FREM1: variants seen among roughly 807,000 people sequenced by gnomAD.
FREM1 encodes FRAS1-related extracellular matrix protein 1.
A neutral mutation model predicts 210.1 loss-of-function variants in FREM1; 220 were observed. The ratio of observed to expected loss-of-function variants is 1.05; its 90% CI spans 0.94 to 1.17. FREM1 has a LOEUF of 1.17. Among genes scored for constraint, FREM1 ranks in the 50% most tolerant of loss-of-function variants. The pLI, the probability that FREM1 is intolerant of heterozygous loss-of-function variation, is 0.00. For synonymous variants in FREM1, 1,189 were observed against 980.2 expected (o/e 1.21, Z -3.98); for missense variants, 3,454 against 2,675.5 (o/e 1.29, Z -6.42).
chr9:14,808,662 A>C (rs1173240536), intron 16 of FREM1, among the ~76,000 whole-genome samples: 2 of 152,202 alleles, frequency 1.3e-5, no homozygotes, highest in Non-Finnish European at 2.9e-5. Context: ...TATTCTTCTT[A>C]TTATATATTA....
chr9:14,884,228 CAAAAAAG>C (rs937630806), intron 1 of FREM1, among the ~76,000 whole-genome samples: 1 of 151,100 alleles, frequency 6.6e-6, no homozygotes, highest in Non-Finnish European at 1.5e-5. Context: ...GACTCCATCT[CAAAAAAG>C]AAAAAAGAAA....
chr9:14,826,234 G>T (rs139688765), intron 10 of FREM1, among the ~76,000 whole-genome samples: 1,565 of 151,792 alleles, frequency 0.01, 29 homozygotes, highest in African/African-American at 0.033. Flanking sequence ...TGGGGCTACG[G>T]GCTTCCACCA....
intron 26 of FREM1, 57 bp from the exon 27 acceptor site, chr9:14,769,925 C>G: frequency 1.1e-6 from 1 of 883,146 alleles, no homozygotes; most frequent in African/African-American, 1.7e-5. Flanking sequence ...TAAATAAAAG[C>G]TAATAAAATT....
chr9:14,851,561 T>A lies in FREM1; in HGVS notation c.875A>T (p.Asn292Ile). 1 of 1,613,964 alleles carries A rather than the reference T, an allele frequency of 6.2e-7. No homozygotes were observed. Among genetic ancestry groups the A allele is most frequent in the Non-Finnish European group, 8.5e-7 (1 of 1,179,848 alleles). ...CATGAATGCAGCCTTTGGAATCTGA[T>A]TCGGAATTCCAGCTCTGATATAGAC... is the stretch of plus-strand genomic sequence containing the variant. The part of the protein sequence containing the change: ...LPVYIRAGIP[N>I]QIPKAAFMAV... The change falls in exon 6 of 37, where the codon AAT (asparagine) becomes ATT (isoleucine). Residue 292 changes from asparagine (N) to isoleucine (I), a missense_variant. Transcript: ENST00000380880.
In FREM1 at chr9:14,746,973, G is replaced by T. The variant is rs373394661; in HGVS notation, c.6088C>A (p.Leu2030Met). ...CAGGCGATCCCATTGCACTGATACA[G>T]CTTCTGGATGCCTTCTTCAAAATGG... ...LFHFEEGIQK[L>M]YQCNGIAWKA... Residue 2030 changes from leucine (L) to methionine (M), a missense_variant, in exon 34 of 37, where the codon CTG (leucine) becomes ATG (methionine). Coordinates refer to ENST00000380880, the MANE Select transcript of FREM1 (RefSeq NM_001379081.2). 68 of 1,613,408 alleles carry T rather than the reference G, an allele frequency of 4.2e-5. No individual in the cohort carries two copies. In the African/African-American group the frequency reaches 8.9e-4, roughly 21 times the overall value.
At chr9:14,837,813 T>C (rs1588277715) in intron 10 of FREM1, among the ~76,000 whole-genome samples, 2 of 152,218 alleles carry the variant, frequency 1.3e-5, no homozygotes, top group African/African-American at 4.8e-5. Context: ...TTTTTAATTA[T>C]TGAAATGCTT....
chr9:14,800,819 T>G (rs533909207), intron 20 of FREM1, among the ~76,000 whole-genome samples: 4 of 152,306 alleles, frequency 2.6e-5, no homozygotes, highest in African/African-American at 9.6e-5. Flanking sequence ...ATGAATAAAG[T>G]AGGTGAATGC....
intron 22 of FREM1, among the ~76,000 whole-genome samples, chr9:14,792,272 G>GCACGCACACACA (rs1554665386): frequency 2.8e-5 from 4 of 142,244 alleles, no homozygotes; most frequent in African/African-American, 1.1e-4. Flanking sequence ...ACACACACAC[G>GCACGCACACACA]CACACACACA....
At chr9:14,755,117 A>G (rs1844076500) in intron 29 of FREM1, among the ~76,000 whole-genome samples, 1 of 152,178 alleles carries the variant, frequency 6.6e-6, no homozygotes, top group Non-Finnish European at 1.5e-5. Flanking sequence ...CTTCATGCTG[A>G]CAGCTTGATC....
At chr9:14,763,379 G>A (rs765260286) in intron 27 of FREM1, among the ~76,000 whole-genome samples, 10 of 152,128 alleles carry the variant, frequency 6.6e-5, no homozygotes, top group Admixed American at 1.3e-4. Flanking sequence ...TTCCATATGC[G>A]GTTTTAATGT....
chr9:14,819,554 T>G (rs919621990), intron 13 of FREM1, 112 bp from the exon 14 acceptor site: 5 of 617,982 alleles, frequency 8.1e-6, no homozygotes, highest in Middle Eastern at 2.8e-4. Context: ...GCAAACTAAT[T>G]TTTCAAGAAT....
intron 1 of FREM1, among the ~76,000 whole-genome samples, chr9:14,880,594 A>G (rs559269330): frequency 7.4e-6 from 1 of 135,654 alleles, no homozygotes; most frequent in Non-Finnish European, 1.6e-5. Context: ...ACAGAGTGAG[A>G]CTGTCTCAAA....
chr9:14,859,969 T>C (rs1352751042), intron 3 of FREM1, among the ~76,000 whole-genome samples: 1 of 152,156 alleles, frequency 6.6e-6, no homozygotes, highest in African/African-American at 2.4e-5. Context: ...GTAAAAAGCA[T>C]ATTCAGCAAT....
intron 29 of FREM1, chr9:14,751,786 G>C (rs1843441596): frequency 6.6e-6 from 1 of 151,984 alleles, no homozygotes; most frequent in African/African-American, 2.4e-5. Context: ...GATCTAATCA[G>C]TCTCTTCAAT....
In FREM1 at chr9:14,784,605, C is replaced by T. The variant is rs373334634; in HGVS notation, c.4207G>A (p.Val1403Met). 2.1e-5 allele frequency: 33 copies of T among 1,595,332 alleles called. No homozygotes were observed. Among genetic ancestry groups the T allele is most frequent in the Middle Eastern group, 1.7e-4 (1 of 6,024 alleles). Residue 1403 changes from valine (V) to methionine (M), a missense_variant, in exon 24 of 37, where the codon GTG (valine) becomes ATG (methionine). Physicochemically the swap from Val to Met is conservative, Grantham distance 21. Transcript: ENST00000380880. Reference sequence around the variant, plus strand: ...AAACCTCTATCACCTTTAGACACCACGAGTGGTTTTGTAAGGATGACAATA... The same window carrying T: ...AAACCTCTATCACCTTTAGACACCATGAGTGGTTTTGTAAGGATGACAATA... ...GDIVILTKPL[V>M]VSKGDRGFLT...
chr9:14,764,844 T>C (rs1846101725), intron 27 of FREM1, among the ~76,000 whole-genome samples: 1 of 152,214 alleles, frequency 6.6e-6, no homozygotes, highest in Non-Finnish European at 1.5e-5. Flanking sequence ...AAGAAATACC[T>C]GGAGTTAAAT....
At chr9:14,866,427 C>A (rs917082429) in intron 2 of FREM1, among the ~76,000 whole-genome samples, 1 of 152,130 alleles carries the variant, frequency 6.6e-6, no homozygotes, top group Non-Finnish European at 1.5e-5. Context: ...CTGCCATATA[C>A]GGTAAGGAGT....
Position 14,766,129 on chromosome 9 carries a change from G to A in FREM1, c.5204+3595C>T, listed in dbSNP as rs146642749. On this transcript the variant is annotated intron_variant, in intron 27 of 36. Coordinates refer to ENST00000380880, the MANE Select transcript of FREM1 (RefSeq NM_001379081.2). ...AGGGTTCACTCTCCAGTGACTTCAG[G>A]ATAATTACTTAAAAGCCTTGAGCTT... Among the ~76,000 whole-genome samples, 1,362 of 152,190 alleles carry A rather than the reference G, an allele frequency of 8.9e-3. 9 individuals are homozygous for A. Among genetic ancestry groups the A allele is most frequent in the Non-Finnish European group, 0.013 (896 of 68,000 alleles).
chr9:14,744,296 A>T (rs117125122), intron 35 of FREM1, among the ~76,000 whole-genome samples: 7 of 152,228 alleles, frequency 4.6e-5, no homozygotes, highest in Non-Finnish European at 8.8e-5. Context: ...TTAAATATTC[A>T]ATTTGATGAA....
Sources: allele counts gnomAD v4.1 joint callset (sites outside exome capture counted in the v4.1 genomes callset), GRCh38; gene constraint gnomAD v4.1.1; transcripts MANE v1.5; gene names NCBI Gene and HGNC (gene_info 2026-07-23, HGNC 2026-07-21).